Variants in GLUL observed in about 807,000 individuals in gnomAD.
The protein encoded by GLUL is glutamine synthetase.
A neutral mutation model predicts 36.9 loss-of-function variants in GLUL; 8 were observed. The ratio of observed to expected loss-of-function variants is 0.22; its 90% CI spans 0.13 to 0.39. The LOEUF (loss-of-function observed/expected upper bound fraction) is 0.39, where lower values mean the gene tolerates loss of function less well. Among genes scored for constraint, GLUL ranks in the 10% least tolerant of loss-of-function variants. The pLI, the probability that GLUL is intolerant of heterozygous loss-of-function variation, is 1.00. For missense variants in GLUL, 315 were observed against 501.8 expected, an observed-to-expected ratio of 0.63 and a Z score of 3.56; for synonymous variants, 182 against 172.8, an observed-to-expected ratio of 1.05 and a Z score of -0.42.
In GLUL at chr1:182,385,480, C is replaced by G; in HGVS notation, c.680G>C (p.Arg227Pro). 6.2e-7 allele frequency: 1 copy of G among 1,613,888 alleles called. No homozygotes were observed. The highest frequency in any genetic ancestry group is 8.5e-7 in the Non-Finnish European group (1 of 1,179,786). Residue 227 changes from arginine to proline, a missense_variant, in exon 6 of 7, where the codon CGT (arginine) becomes CCT (proline). This residue lies in a region of GLUL where 256 missense variants were observed against 396.1 expected (regional missense o/e 0.65). Coordinates refer to ENST00000331872, the MANE Select transcript of GLUL (RefSeq NM_001033044.4). ...HLWVARFILH[R>P]VCEDFGVIAT... ...TATCACTCCAAAGTCTTCACACACACGATGCAAGATGAAACGGGCCACCCA... is the reference window on the plus strand; with the variant it reads ...TATCACTCCAAAGTCTTCACACACAGGATGCAAGATGAAACGGGCCACCCA...
In GLUL at chr1:182,388,683, A is replaced by T; in HGVS notation, c.55T>A (p.Ser19Thr). The T allele has an allele frequency of 6.2e-7, 1 of 1,613,244 alleles. No individual in the cohort carries two copies. Among genetic ancestry groups the T allele is most frequent in the South Asian group, 1.1e-5 (1 of 91,068 alleles). ...LNKGIKQVYMSLPQGEKVQAM... is the reference protein window; with the variant it reads ...LNKGIKQVYMTLPQGEKVQAM... The stretch of plus-strand genomic sequence containing the variant: ...TGGACTTTCTCACCCTGAGGCAGGG[A>T]CATGTACACCTGCTTGATGCCTTTA... The change falls in exon 2 of 7, where the codon TCC (serine) becomes ACC (threonine). Residue 19 changes from serine to threonine, a missense_variant. Around this residue, in one of 3 missense-constraint regions of GLUL, gnomAD observed 256 missense variants for 396.1 expected, o/e 0.65. Coordinates refer to ENST00000331872, the MANE Select transcript of GLUL (RefSeq NM_001033044.4).
intron 2 of GLUL, among the ~76,000 whole-genome samples, chr1:182,388,048 A>G (rs780033327): frequency 1.3e-5 from 2 of 152,240 alleles, no homozygotes; most frequent in Non-Finnish European, 2.9e-5. Context: ...TCACAACTAT[A>G]ATCTAACTGT....
At chr1:182,385,627 T>C (rs1222453616) in intron 5 of GLUL, 71 bp from the exon 6 acceptor site, 11 of 1,553,782 alleles carry the variant, frequency 7.1e-6, no homozygotes, top group Non-Finnish European at 9.8e-6. Context: ...CCTAAACCTG[T>C]TCTCTTCTCA....
In GLUL at chr1:182,380,236, A is replaced by G. The variant is rs1191682645; in HGVS notation, c.*4169T>C. Among the ~76,000 whole-genome samples the G allele has an allele frequency of 4.6e-5, 7 of 152,218 alleles. No homozygotes were observed. Among genetic ancestry groups the G allele is most frequent in the African/African-American group, 1.7e-4 (7 of 41,456 alleles). ...ACACTATTTTCCACAGTACACTCCC[A>G]CGAAGTTTTTAGTGCTGCCATAATG... On this transcript the variant is annotated 3_prime_UTR_variant, in exon 7 of 7. Transcript: ENST00000331872.
chr1:182,388,741 G>A lies in GLUL; in HGVS notation c.-4C>T. 1 of 1,613,148 alleles carries A rather than the reference G, an allele frequency of 6.2e-7. No individual in the cohort carries two copies. Among genetic ancestry groups the A allele is most frequent in the African/African-American group, 1.3e-5 (1 of 75,024 alleles). On this transcript the variant is annotated 5_prime_UTR_variant, in exon 2 of 7. Coordinates refer to ENST00000331872, the MANE Select transcript of GLUL (RefSeq NM_001033044.4). ...GGGAACTTGCTGAGGTGGTCATGGT[G>A]GAAGGTGTTCTGGAGAAGAAAAAAA...
At chr1:182,390,550 C>G (rs1053377664) in intron 1 of GLUL, 1 of 399,146 alleles carries the variant, frequency 2.5e-6, no homozygotes, top group East Asian at 3.6e-5. Context: ...TAACCCTTCT[C>G]TTTTTGGAGT....
Position 182,391,785 on chromosome 1 carries a change from G to C in GLUL, c.-120C>G, listed in dbSNP as rs766306049. The C allele has an allele frequency of 6.6e-6, 1 of 152,412 alleles. No individual in the cohort carries two copies. Among genetic ancestry groups the C allele is most frequent in the Non-Finnish European group, 1.5e-5 (1 of 68,228 alleles). The allele number at this position is 152,412 out of a possible 1,614,324, so 9.4% of individuals were successfully genotyped here. On this transcript the variant is annotated 5_prime_UTR_variant, in exon 1 of 7. Coordinates refer to ENST00000331872, the MANE Select transcript of GLUL (RefSeq NM_001033044.4). Reference sequence around the variant, plus strand: ...CACGCTCCGCTCTTCTCCCACTCTCGACTCTGCAGAGCCGCCAGCAGCCCC... The same window carrying C: ...CACGCTCCGCTCTTCTCCCACTCTCCACTCTGCAGAGCCGCCAGCAGCCCC...
chr1:182,385,230 G>A, intron 6 of GLUL, 127 bp downstream of exon 6: 2 of 753,456 alleles, frequency 2.7e-6, no homozygotes, highest in South Asian at 1.5e-5. Flanking sequence ...GAGAAGTCAA[G>A]TTTACTCATC....
intron 1 of GLUL, chr1:182,391,455 G>GGC (rs1650413844): frequency 5.3e-6 from 2 of 379,174 alleles, no homozygotes; most frequent in Non-Finnish European, 9.3e-6. Context: ...CCTGGCCAAG[G>GGC]GCGCGCCCCA....
Position 182,386,323 on chromosome 1 carries a change from C to T in GLUL, c.408G>A (p.Glu136=), listed in dbSNP as rs1558160583. 4.3e-6 allele frequency: 7 copies of T among 1,613,210 alleles called. No individual in the cohort carries two copies. The highest frequency in any genetic ancestry group is 1.7e-5 in the Admixed American group (1 of 60,024). Residue 136 remains glutamate, a synonymous_variant, in exon 4 of 7, where the codon GAG becomes GAA. Coordinates refer to ENST00000331872, the MANE Select transcript of GLUL (RefSeq NM_001033044.4). ...NQHPWFGMEQ[E]YTLMGTDGHP... is the part of the protein sequence containing the mutation. ...GCCCATCTGTCCCCATGAGGGTATA[C>T]TCCTGCTCCATGCCAAACCAGGGGT...
At chr1:182,385,153 T>G (rs1483284364) in intron 6 of GLUL, 1 of 564,038 alleles carries the variant, frequency 1.8e-6, no homozygotes, top group Non-Finnish European at 3.2e-6. Flanking sequence ...TTATTTGGTA[T>G]TTTTCAAATA....
chr1:182,378,222 A>G lies in GLUL; in HGVS notation c.*6183T>C, dbSNP rs1244474913. Among the ~76,000 whole-genome samples, 1 of 152,186 alleles carries G rather than the reference A, an allele frequency of 6.6e-6. No homozygotes were observed. The highest frequency in any genetic ancestry group is 1.5e-5 in the Non-Finnish European group (1 of 68,028). On this transcript the variant is annotated 3_prime_UTR_variant, in exon 7 of 7. Transcript: ENST00000331872. ...GCTGACTACGCCGTACAGTGGAGGA[A>G]ACACGCTGCAATCTCAAGACAATGC...
intron 2 of GLUL, among the ~76,000 whole-genome samples, chr1:182,387,649 T>C (rs558879008): frequency 2.0e-5 from 3 of 152,234 alleles, no homozygotes; most frequent in Non-Finnish European, 4.4e-5. Flanking sequence ...CATTAGGTAA[T>C]GTGTTGCATC....
In GLUL at chr1:182,384,108, G is replaced by T. The variant is rs1027309183; in HGVS notation, c.*297C>A. On this transcript the variant is annotated 3_prime_UTR_variant, in exon 7 of 7. Coordinates refer to ENST00000331872, the MANE Select transcript of GLUL (RefSeq NM_001033044.4). ...TCTGTCCGGATAGCTACGCCTATTGGACAGGTGCACCCCATTAAATGGAAG... is the reference window on the plus strand; with the variant it reads ...TCTGTCCGGATAGCTACGCCTATTGTACAGGTGCACCCCATTAAATGGAAG... The T allele has an allele frequency of 3.2e-5, 13 of 412,224 alleles. No individual in the cohort carries two copies. The allele number at this position is 412,224 out of a possible 1,614,324, so 25.5% of individuals were successfully genotyped here. A position where few individuals can be genotyped will look rare whatever the true frequency, so the allele number is the denominator to read the frequency against.
At chr1:182,386,008 T>G in intron 4 of GLUL, 121 bp from the exon 5 acceptor site, 2 of 1,092,556 alleles carry the variant, frequency 1.8e-6, no homozygotes, top group Non-Finnish European at 2.8e-6. Context: ...CATCTGCAGG[T>G]GCGGGGCAGG....
rs1220289727 is a variant in GLUL at position 182,380,167 on chromosome 1, C to A, written c.*4238G>T. 6.6e-6 allele frequency among the ~76,000 whole-genome samples: 1 copy of A among 152,206 alleles called. No homozygotes were observed. Among genetic ancestry groups the A allele is most frequent in the Non-Finnish European group, 1.5e-5 (1 of 68,038 alleles). The stretch of plus-strand genomic sequence containing the variant: ...CTGGCAGTTATAACTCTTAAAGCAA[C>A]ACAAGGCTCTTGGTAGCCTGATTAC... On this transcript the variant is annotated 3_prime_UTR_variant, in exon 7 of 7. Coordinates refer to ENST00000331872, the MANE Select transcript of GLUL (RefSeq NM_001033044.4).
At position 182,382,984 on chromosome 1, in the gene GLUL, A is replaced by G. The variant is rs1217852092; in HGVS notation, c.*1421T>C. On this transcript the variant is annotated 3_prime_UTR_variant, in exon 7 of 7. Coordinates refer to ENST00000331872, the MANE Select transcript of GLUL (RefSeq NM_001033044.4). ...TTATTTGACTTTGAACATACTGTAC[A>G]TGGCAATTAGAAGTTGTCATGGCAA... The G allele has an allele frequency of 6.6e-6, 1 of 152,236 alleles. No individual in the cohort carries two copies. The highest frequency in any genetic ancestry group is 1.5e-5 in the Non-Finnish European group (1 of 68,044). The allele number at this position is 152,236 out of a possible 1,614,324, so 9.4% of individuals were successfully genotyped here. A position where few individuals can be genotyped will look rare whatever the true frequency, so the allele number is the denominator to read the frequency against.
rs528761679 is a variant in GLUL, at chr1:182,383,327, G to C, written c.*1078C>G. On this transcript the variant is annotated 3_prime_UTR_variant, in exon 7 of 7. Coordinates refer to ENST00000331872, the MANE Select transcript of GLUL (RefSeq NM_001033044.4). Reference sequence around the variant, plus strand: ...TAAAAAATTTAATATCAAAAGGCCTGCTTTAGTGACATGCTATTCCTACCA... The same window carrying C: ...TAAAAAATTTAATATCAAAAGGCCTCCTTTAGTGACATGCTATTCCTACCA... 2 of 152,212 alleles carry C rather than the reference G, an allele frequency of 1.3e-5. No individual in the cohort carries two copies. Among genetic ancestry groups the C allele is most frequent in the South Asian group, 4.1e-4 (2 of 4,824 alleles). 9.4% of individuals were successfully genotyped at this position (152,212 alleles called of 1,614,324 possible). A position where few individuals can be genotyped will look rare whatever the true frequency, so the allele number is the denominator to read the frequency against.
chr1:182,378,466 T>C lies in GLUL; in HGVS notation c.*5939A>G, dbSNP rs994978384. 6.6e-6 allele frequency among the ~76,000 whole-genome samples: 1 copy of C among 152,202 alleles called. No homozygotes were observed. Among genetic ancestry groups the C allele is most frequent in the Admixed American group, 6.5e-5 (1 of 15,278 alleles). On this transcript the variant is annotated 3_prime_UTR_variant, in exon 7 of 7. Transcript: ENST00000331872. ...CCGACAACCTCCTGTCCATAAAGCA[T>C]GGCAGAGTGGGTAATTAATTGGAAA...
Sources: allele counts gnomAD v4.1 joint callset (sites outside exome capture counted in the v4.1 genomes callset), GRCh38; gene constraint gnomAD v4.1.1; regional missense constraint gnomAD v4.1.1; transcripts MANE v1.5; gene names NCBI Gene and HGNC (gene_info 2026-07-23, HGNC 2026-07-21).